Variants in TENM3 observed in about 807,000 individuals in gnomAD.
TENM3 encodes teneurin-3.
TENM3 carries 63 observed loss-of-function variants against 255.1 expected under a neutral mutation model. The ratio of observed to expected loss-of-function variants is 0.25; its 90% CI spans 0.20 to 0.30. TENM3 has a LOEUF of 0.30. Ranked by LOEUF, TENM3 falls within the 10% of genes least tolerant of loss-of-function variation. TENM3 has a pLI of 1.00. For missense variants in TENM3, 2,929 were observed against 3,461.1 expected (o/e 0.85, Z 3.86); for synonymous variants, 1,306 against 1,322.3 (o/e 0.99, Z 0.27).
chr4:181,888,496 AT>A, the TENM3 span, among the ~76,000 whole-genome samples: 2 of 24,696 alleles, frequency 8.1e-5, no homozygotes, highest in African/African-American at 1.8e-4. Flanking sequence ...AGAAATGTGT[AT>A]ATATATATAT....
chr4:181,462,209 A>G, the TENM3 span, among the ~76,000 whole-genome samples: 1 of 152,154 alleles, frequency 6.6e-6, no homozygotes, highest in African/African-American at 2.4e-5. Context: ...GCTCTTAGGA[A>G]CCCTGAGAAA....
the TENM3 span, among the ~76,000 whole-genome samples, chr4:181,815,032 GAA>G: frequency 6.6e-6 from 1 of 152,020 alleles, no homozygotes; most frequent in African/African-American, 2.4e-5. Flanking sequence ...CCTGATTTAG[GAA>G]AAGAGAAAAA....
At chr4:182,010,828 T>C in the TENM3 span, among the ~76,000 whole-genome samples, 1 of 152,234 alleles carries the variant, frequency 6.6e-6, no homozygotes, top group Admixed American at 6.5e-5. Flanking sequence ...TGAGTCTTCA[T>C]CACAGAAGTC....
chr4:181,570,583 AAAAG>A, the TENM3 span, among the ~76,000 whole-genome samples: 22 of 93,916 alleles, frequency 2.3e-4, no homozygotes, highest in Non-Finnish European at 3.6e-4. Context: ...AAAAGAGAGA[AAAAG>A]AAAGAAAAAG....
chr4:182,316,373 C>T (rs62352268), intron 1 of TENM3, among the ~76,000 whole-genome samples: 1 of 151,562 alleles, frequency 6.6e-6, no homozygotes, highest in African/African-American at 2.4e-5. Flanking sequence ...TTTTTTTTCC[C>T]AATCTGGCTG....
At chr4:181,998,443 G>GAGAA in the TENM3 span, among the ~76,000 whole-genome samples, 2 of 152,148 alleles carry the variant, frequency 1.3e-5, no homozygotes, top group Non-Finnish European at 2.9e-5. Flanking sequence ...GATGTCCTAA[G>GAGAA]AGAAAGACAT....
Position 182,800,051 on chromosome 4 carries a change from C to T in TENM3, c.7800C>T (p.Phe2600=), listed in dbSNP as rs1392155196. Residue 2600 remains phenylalanine, a synonymous_variant, in exon 28 of 28, where the codon TTC becomes TTT. Coordinates refer to ENST00000511685, the MANE Select transcript of TENM3 (RefSeq NM_001080477.4). Reference sequence around the variant, plus strand: ...GGTTCGCGGACGTGGAGATGCAGTTCGGCGCGCTGGCGCTGCACGTGCGCT... The same window carrying T: ...GGTTCGCGGACGTGGAGATGCAGTTTGGCGCGCTGGCGCTGCACGTGCGCT... ...TRRFADVEMQ[F]GALALHVRYG... The T allele has an allele frequency of 1.2e-6, 2 of 1,602,222 alleles. No individual in the cohort carries two copies. The highest frequency in any genetic ancestry group is 1.7e-6 in the Non-Finnish European group (2 of 1,175,342).
chr4:182,658,040 C>T (rs1753900520), intron 6 of TENM3, among the ~76,000 whole-genome samples: 1 of 152,178 alleles, frequency 6.6e-6, no homozygotes, highest in Non-Finnish European at 1.5e-5. Context: ...TGGGCTTTCA[C>T]AGTACCCCTA....
At chr4:181,770,029 T>C in the TENM3 span, among the ~76,000 whole-genome samples, 1 of 152,194 alleles carries the variant, frequency 6.6e-6, no homozygotes, top group Non-Finnish European at 1.5e-5. Flanking sequence ...GAACCCTTTG[T>C]GGCTGCGCCC....
At chr4:182,564,340 G>A (rs374701266) in intron 3 of TENM3, among the ~76,000 whole-genome samples, 1 of 151,024 alleles carries the variant, frequency 6.6e-6, no homozygotes, top group Admixed American at 6.6e-5. Flanking sequence ...AAAAAATAGA[G>A]ACGAGGTCTC....
the TENM3 span, among the ~76,000 whole-genome samples, chr4:181,696,897 A>T: frequency 6.6e-6 from 1 of 152,186 alleles, no homozygotes; most frequent in Non-Finnish European, 1.5e-5. Flanking sequence ...GCGTCAGAGC[A>T]CGGGGTCCTG....
chr4:182,404,421 T>C (rs1310042840), intron 3 of TENM3, among the ~76,000 whole-genome samples: 1 of 152,250 alleles, frequency 6.6e-6, no homozygotes, highest in East Asian at 1.9e-4. Context: ...GAAGCCAAAC[T>C]AACTCAGACA....
At chr4:181,817,025 G>A in the TENM3 span, among the ~76,000 whole-genome samples, 2 of 152,186 alleles carry the variant, frequency 1.3e-5, no homozygotes, top group African/African-American at 4.8e-5. Context: ...CGTGCAAAGT[G>A]TATGTCACAG....
the TENM3 span, chr4:181,874,369 T>C: frequency 6.6e-6 from 1 of 152,260 alleles, no homozygotes; most frequent in Non-Finnish European, 1.5e-5. Flanking sequence ...AATTTCCCTT[T>C]TTTCTTCTGT....
intron 19 of TENM3, among the ~76,000 whole-genome samples, chr4:182,749,003 G>A (rs1369190281): frequency 6.6e-6 from 1 of 152,064 alleles, no homozygotes; most frequent in East Asian, 1.9e-4. Context: ...TTCCCCACTA[G>A]GATAAAACTG....
intron 3 of TENM3, among the ~76,000 whole-genome samples, chr4:182,505,755 C>T (rs1318190798): frequency 6.6e-6 from 1 of 152,162 alleles, no homozygotes; most frequent in Non-Finnish European, 1.5e-5. Flanking sequence ...CACACCCGGC[C>T]TGCTTTTCTT....
chr4:182,148,484 G>T (rs527579649), intron 1 of TENM3, among the ~76,000 whole-genome samples: 3 of 152,162 alleles, frequency 2.0e-5, no homozygotes, highest in African/African-American at 7.2e-5. Context: ...TTCCCAAAAT[G>T]CAATATGCCT....
At chr4:182,554,340 C>T (rs1742373166) in intron 3 of TENM3, among the ~76,000 whole-genome samples, 1 of 152,172 alleles carries the variant, frequency 6.6e-6, no homozygotes, top group Non-Finnish European at 1.5e-5. Flanking sequence ...ATTAACTGAC[C>T]TCATCCCATC....
chr4:182,488,895 G>A (rs1580722362), intron 3 of TENM3, among the ~76,000 whole-genome samples: 1 of 152,160 alleles, frequency 6.6e-6, no homozygotes, highest in East Asian at 1.9e-4. Flanking sequence ...GAGGTAGCAA[G>A]GGGTGAGGAA....
Sources: allele counts gnomAD v4.1 joint callset (sites outside exome capture counted in the v4.1 genomes callset), GRCh38; gene constraint gnomAD v4.1.1; transcripts MANE v1.5; gene names NCBI Gene and HGNC (gene_info 2026-07-23, HGNC 2026-07-21).